Variants in TARS3 observed in about 807,000 individuals in gnomAD.
The protein encoded by TARS3 is threonine--tRNA ligase 2, cytoplasmic.
A neutral mutation model predicts 103.5 loss-of-function variants in TARS3; 94 were observed. The observed-to-expected ratio is 0.91, with a 90% CI of 0.77 to 1.08. The LOEUF is 1.08. TARS3 is among the 50% of genes least tolerant of loss of function. The pLI is 0.00. For synonymous variants in TARS3, 416 were observed against 355.4 expected (o/e 1.17, Z -1.92); for missense variants, 952 against 995.2 (o/e 0.96, Z 0.58).
chr15:101,719,839 C>T (rs994994662), intron 3 of TARS3, among the ~76,000 whole-genome samples: 7 of 152,200 alleles, frequency 4.6e-5, no homozygotes, highest in Non-Finnish European at 8.8e-5. Flanking sequence ...CTAGGCTTGA[C>T]TGGTCACTTC....
rs114624578 is a variant in TARS3, at chr15:101,669,597, A to C, written c.1967+1889T>G. On this transcript the variant is annotated intron_variant, in intron 15 of 18. Transcript: ENST00000335968. Reference sequence around the variant, plus strand: ...GTCCTAAACAACTGTACCATTTTTTATCTTTTATACCTAATTTTACTGTAC... The same window carrying C: ...GTCCTAAACAACTGTACCATTTTTTCTCTTTTATACCTAATTTTACTGTAC... Among the ~76,000 whole-genome samples the C allele has an allele frequency of 1.6e-3, 244 of 152,260 alleles. 2 individuals are homozygous for C. Among genetic ancestry groups the C allele is most frequent in the Middle Eastern group, 6.8e-3 (2 of 294 alleles).
intron 10 of TARS3, 107 bp from the exon 11 acceptor site, chr15:101,686,169 T>A: frequency 1.0e-6 from 1 of 991,270 alleles, no homozygotes; most frequent in Non-Finnish European, 1.5e-6. Context: ...TGTCCTATAT[T>A]AATTCATGAT....
At position 101,705,749 on chromosome 15, in the gene TARS3, T is replaced by TGGGCG; in HGVS notation, c.931-3_931-2insCGCCC. 6.2e-7 allele frequency: 1 copy of TGGGCG among 1,600,620 alleles called. No homozygotes were observed. The highest frequency in any genetic ancestry group is 8.5e-7 in the Non-Finnish European group (1 of 1,170,416). ...AATGCGGCATTTAAATTTATTGTACTACGAAGAAAAACATATTTACACATT... is the reference window on the plus strand; with the variant it reads ...AATGCGGCATTTAAATTTATTGTACTGGGCGACGAAGAAAAACATATTTACACATT... On this transcript the variant is annotated splice_polypyrimidine_tract_variant and splice_region_variant and intron_variant, in intron 6 of 18. Coordinates refer to ENST00000335968, the MANE Select transcript of TARS3 (RefSeq NM_152334.3).
chr15:101,674,338 G>A (rs903600384), intron 13 of TARS3, among the ~76,000 whole-genome samples: 1 of 152,178 alleles, frequency 6.6e-6, no homozygotes, highest in African/African-American at 2.4e-5. Flanking sequence ...AAGTGAAAAG[G>A]TGAAAGTTAT....
In TARS3 at chr15:101,657,871, A is replaced by ATG; in HGVS notation, c.2073-15_2073-14insCA. ...AGCCAGAAAGGCCTGAAAAATATAT[A>ATG]TAAAATATGTATTTTCAAAGTGTAA... On this transcript the variant is annotated splice_polypyrimidine_tract_variant and intron_variant, in intron 16 of 18. Coordinates refer to ENST00000335968, the MANE Select transcript of TARS3 (RefSeq NM_152334.3). The ATG allele has an allele frequency of 6.6e-7, 1 of 1,518,614 alleles. No homozygotes were observed. Among genetic ancestry groups the ATG allele is most frequent in the East Asian group, 2.4e-5 (1 of 41,838 alleles). The allele number at this position is 1,518,614 out of a possible 1,614,324, so 94.1% of individuals were successfully genotyped here.
At chr15:101,707,048 A>C (rs1341341334) in intron 6 of TARS3, among the ~76,000 whole-genome samples, 1 of 152,254 alleles carries the variant, frequency 6.6e-6, no homozygotes, top group African/African-American at 2.4e-5. Context: ...TTTCTTCAAG[A>C]AAATACACAA....
chr15:101,700,718 A>G (rs1158259656), intron 10 of TARS3, among the ~76,000 whole-genome samples: 1 of 150,672 alleles, frequency 6.6e-6, no homozygotes, highest in Admixed American at 6.6e-5. Flanking sequence ...ATCCTGGCTC[A>G]CTGCAAACTC....
intron 15 of TARS3, among the ~76,000 whole-genome samples, chr15:101,670,529 G>A (rs1897754126): frequency 6.6e-6 from 1 of 152,152 alleles, no homozygotes; most frequent in African/African-American, 2.4e-5. Context: ...TCAAGTACTG[G>A]CAAGGATGTG....
At chr15:101,675,806 C>A (rs1897998831) in intron 12 of TARS3, 69 bp from the exon 13 acceptor site, 1 of 1,491,620 alleles carries the variant, frequency 6.7e-7, no homozygotes, top group African/African-American at 1.4e-5. Flanking sequence ...AAATACAATT[C>A]TTCATGTCAG....
chr15:101,665,191 T>A (rs1172856268), intron 15 of TARS3, among the ~76,000 whole-genome samples: 1 of 152,018 alleles, frequency 6.6e-6, no homozygotes, highest in Admixed American at 6.6e-5. Context: ...GGAAAAACAA[T>A]ACAACGTTTG....
At chr15:101,669,075 C>T (rs1302694425) in intron 15 of TARS3, among the ~76,000 whole-genome samples, 2 of 152,104 alleles carry the variant, frequency 1.3e-5, no homozygotes, top group African/African-American at 4.8e-5. Flanking sequence ...TGGGTGATGA[C>T]AGCTCCATGC....
At chr15:101,716,405 TG>T (rs1900160737) in intron 3 of TARS3, among the ~76,000 whole-genome samples, 2 of 151,970 alleles carry the variant, frequency 1.3e-5, no homozygotes, top group Admixed American at 1.3e-4. Flanking sequence ...TTACCATTGA[TG>T]TTTTGTTTAT....
At chr15:101,655,937 TTTG>T in intron 18 of TARS3, 1 of 1,289,202 alleles carries the variant, frequency 7.8e-7, no homozygotes, top group African/African-American at 1.5e-5. Flanking sequence ...GGGTAAAAAG[TTTG>T]TTCTCTCTAG....
intron 3 of TARS3, among the ~76,000 whole-genome samples, chr15:101,717,253 T>C (rs1900201677): frequency 6.6e-6 from 1 of 152,244 alleles, no homozygotes; most frequent in Non-Finnish European, 1.5e-5. Flanking sequence ...AACCTGAGTT[T>C]AAATACTGGA....
intron 3 of TARS3, among the ~76,000 whole-genome samples, chr15:101,716,037 T>G (rs1900140946): frequency 6.6e-6 from 1 of 152,136 alleles, no homozygotes; most frequent in African/African-American, 2.4e-5. Flanking sequence ...TTTTTTTTTT[T>G]GAGACAGTCT....
At chr15:101,701,260 C>A in intron 9 of TARS3, 76 bp from the exon 10 acceptor site, 1 of 812,110 alleles carries the variant, frequency 1.2e-6, no homozygotes. Context: ...ATATAATACT[C>A]AGTTATTTCC....
intron 18 of TARS3, chr15:101,655,847 G>A (rs1270057640): frequency 3.2e-5 from 40 of 1,265,300 alleles, no homozygotes; most frequent in Non-Finnish European, 3.9e-5. Flanking sequence ...ACAGGCTCAC[G>A]CTGACTCCAC....
At chr15:101,690,556 A>C (rs1317326256) in intron 10 of TARS3, among the ~76,000 whole-genome samples, 1 of 152,196 alleles carries the variant, frequency 6.6e-6, no homozygotes, top group Non-Finnish European at 1.5e-5. Context: ...AAAAGAAAGG[A>C]TACACTATAC....
At chr15:101,685,805 ACT>A in intron 11 of TARS3, 89 bp downstream of exon 11, 3 of 1,046,620 alleles carry the variant, frequency 2.9e-6, no homozygotes, top group South Asian at 4.4e-5. Flanking sequence ...GATTAAAGGG[ACT>A]CTTTCATTCC....
Sources: allele counts gnomAD v4.1 joint callset (sites outside exome capture counted in the v4.1 genomes callset), GRCh38; gene constraint gnomAD v4.1.1; transcripts MANE v1.5; gene names NCBI Gene and HGNC (gene_info 2026-07-23, HGNC 2026-07-21).